Variants in FBXL2 observed in about 807,000 individuals in gnomAD.
FBXL2 encodes the protein F-box and leucine rich repeat protein 2.
A neutral mutation model predicts 69.2 loss-of-function variants in FBXL2; 38 were observed. The ratio of observed to expected loss-of-function variants is 0.55; its 90% CI spans 0.42 to 0.72. The LOEUF (loss-of-function observed/expected upper bound fraction) is 0.72. Among genes scored for constraint, FBXL2 ranks in the 30% least tolerant of loss-of-function variants. The probability of loss-of-function intolerance (pLI) is 0.00; values close to 1 mark genes in which losing one functional copy is unlikely to be tolerated. For synonymous variants in FBXL2, 192 were observed against 201.3 expected (o/e 0.95, Z 0.39); for missense variants, 354 against 520.3 (o/e 0.68, Z 3.11).
the FBXL2 span, among the ~76,000 whole-genome samples, chr3:33,418,561 A>G: frequency 2.0e-5 from 3 of 151,994 alleles, no homozygotes; most frequent in African/African-American, 2.4e-5. Context: ...ACCCGGCCAT[A>G]AGAAGTATTT....
chr3:33,295,911 A>G (rs890756785), intron 1 of FBXL2, among the ~76,000 whole-genome samples: 1 of 152,110 alleles, frequency 6.6e-6, no homozygotes, highest in Non-Finnish European at 1.5e-5. Flanking sequence ...GCCCATTGTA[A>G]AATTGGGTTG....
intron 2 of FBXL2, among the ~76,000 whole-genome samples, chr3:33,328,615 T>C (rs1183464486): frequency 6.6e-6 from 1 of 151,946 alleles, no homozygotes. Flanking sequence ...GTTTCTTCAA[T>C]AAATGGTGCT....
rs1207890703 is a variant in FBXL2, at chr3:33,386,429, T to TTG, written c.*822_*823insGT. ...TAAAGAGAAAGAACTAAGGCTTAAG[T>TTG]TATCTGTAGTATAATCAATTAGAAG... On this transcript the variant is annotated 3_prime_UTR_variant, in exon 15 of 15. Transcript: ENST00000484457. 2 of 152,176 alleles carry TTG rather than the reference T, an allele frequency of 1.3e-5. No homozygotes were observed. The allele number at this position is 152,176 out of a possible 1,614,324, so 9.4% of individuals were successfully genotyped here.
At chr3:33,287,377 T>C (rs2034751414) in intron 1 of FBXL2, among the ~76,000 whole-genome samples, 1 of 152,212 alleles carries the variant, frequency 6.6e-6, no homozygotes, top group South Asian at 2.1e-4. Flanking sequence ...AGCTTTCTTT[T>C]ATAGAACCCA....
intron 2 of FBXL2, among the ~76,000 whole-genome samples, chr3:33,353,391 A>G (rs1453211242): frequency 3.3e-5 from 5 of 152,256 alleles, no homozygotes; most frequent in Admixed American, 3.3e-4. Flanking sequence ...ATGTCCTGCA[A>G]TAGGCGAATG....
downstream of FBXL2, chr3:33,390,435 A>G (rs982820615): frequency 1.3e-6 from 2 of 1,557,362 alleles, no homozygotes; most frequent in Non-Finnish European, 1.8e-6. Flanking sequence ...TAAATGGAAA[A>G]CTCCCTGCCA....
At chr3:33,306,438 T>C (rs141043215) in intron 2 of FBXL2, among the ~76,000 whole-genome samples, 7 of 152,296 alleles carry the variant, frequency 4.6e-5, no homozygotes, top group East Asian at 1.9e-4. Flanking sequence ...TCTTGACTTA[T>C]AGCTATCACT....
intron 2 of FBXL2, among the ~76,000 whole-genome samples, chr3:33,350,450 A>C (rs1233288980): frequency 7.6e-6 from 1 of 131,134 alleles, no homozygotes; most frequent in Non-Finnish European, 1.6e-5. Context: ...TTTTTTTTTT[A>C]AAGACAGAGT....
chr3:33,377,140 T>C, intron 10 of FBXL2, 133 bp from the exon 11 acceptor site: 1 of 798,244 alleles, frequency 1.3e-6, no homozygotes, highest in Non-Finnish European at 2.1e-6. Flanking sequence ...GCAGGTCACA[T>C]TCCCTAAGGG....
chr3:33,332,008 A>G (rs1215668278), intron 2 of FBXL2, among the ~76,000 whole-genome samples: 3 of 152,160 alleles, frequency 2.0e-5, no homozygotes, highest in African/African-American at 7.2e-5. Flanking sequence ...AGTGGCTGCA[A>G]TTTTTTAGAA....
At chr3:33,406,715 G>A (rs913057942), downstream of FBXL2, among the ~76,000 whole-genome samples, 6 of 152,178 alleles carry the variant, frequency 3.9e-5, no homozygotes, top group Non-Finnish European at 8.8e-5. Context: ...TCATAACGGC[G>A]CTAGCAATGC....
intron 2 of FBXL2, among the ~76,000 whole-genome samples, chr3:33,354,809 T>C: frequency 6.6e-6 from 1 of 152,182 alleles, no homozygotes. Context: ...GGAGGAAAGT[T>C]AGTTCATTAT....
chr3:33,288,235 C>T (rs575437723), intron 1 of FBXL2, among the ~76,000 whole-genome samples: 20 of 152,292 alleles, frequency 1.3e-4, no homozygotes, highest in African/African-American at 4.6e-4. Context: ...TCTACAGCTG[C>T]GTCTTTCCAT....
downstream of FBXL2, chr3:33,391,873 T>A (rs2043779717): frequency 1.3e-5 from 2 of 152,416 alleles, no homozygotes; most frequent in Admixed American, 6.5e-5. Flanking sequence ...AAATCCGAAC[T>A]ACCATCATCA....
chr3:33,415,477 T>C, the FBXL2 span, among the ~76,000 whole-genome samples: 4 of 152,210 alleles, frequency 2.6e-5, no homozygotes, highest in South Asian at 2.1e-4. Flanking sequence ...GTGGAGAATG[T>C]TGAAGTTGGC....
intron 1 of FBXL2, among the ~76,000 whole-genome samples, chr3:33,294,503 A>C (rs2035556350): frequency 6.6e-6 from 1 of 152,194 alleles, no homozygotes; most frequent in East Asian, 1.9e-4. Flanking sequence ...CAATGAAAGC[A>C]GTATACTTAG....
chr3:33,394,191 T>TTTATTATTATTA lies in FBXL2; in HGVS notation n.1214+8487_1214+8498dup, dbSNP rs148929407. On this transcript the variant is annotated intron_variant and non_coding_transcript_variant, in intron 12 of 12. Transcript: ENST00000463736. ...CACACGCCACCATGCCTGGCTAATTTTTATTATTATTATTATTATTATTAT... is the reference window on the plus strand; with the variant it reads ...CACACGCCACCATGCCTGGCTAATTTTTATTATTATTATTATTATTATTATTATTATTATTAT... 7.4e-3 allele frequency among the ~76,000 whole-genome samples: 1,055 copies of TTTATTATTATTA among 143,404 alleles called. 5 individuals are homozygous for TTTATTATTATTA. Among genetic ancestry groups the TTTATTATTATTA allele is most frequent in the Middle Eastern group, 0.025 (7 of 282 alleles). The allele number at this position is 143,404 out of a possible 152,430, so 94.1% of individuals were successfully genotyped here. A position where few individuals can be genotyped will look rare whatever the true frequency, so the allele number is the denominator to read the frequency against.
At chr3:33,390,138 G>A (rs149811608), downstream of FBXL2, 31 of 609,052 alleles carry the variant, frequency 5.1e-5, no homozygotes, top group African/African-American at 5.2e-4. Context: ...TCACTCTCAT[G>A]AGGATGCTTG....
At chr3:33,412,919 T>C in the FBXL2 span, 4 of 799,282 alleles carry the variant, frequency 5.0e-6, no homozygotes, top group East Asian at 2.5e-5. Context: ...CCTGTAGCAG[T>C]AGAACACATA....
Sources: gnomAD v4.1 joint callset for allele counts (sites outside exome capture counted in the v4.1 genomes callset) on GRCh38, gnomAD v4.1.1 for gene constraint, MANE v1.5 for transcripts, NCBI Gene and HGNC (gene_info 2026-07-23, HGNC 2026-07-21) for gene names.